The following TPD52 variants were observed in gnomAD, a reference collection of about 807,000 sequenced individuals.
The protein encoded by TPD52 is tumor protein D52, also known as prostate and colon associated protein.
In TPD52, 17 loss-of-function variants were observed where a neutral mutation model predicts 31.3. That is an observed-to-expected ratio of 0.54 (90% CI 0.37 to 0.82). TPD52 has a LOEUF of 0.82. TPD52 is among the 40% of genes least tolerant of loss of function. The pLI, the probability that TPD52 is intolerant of heterozygous loss-of-function variation, is 0.00. For synonymous variants in TPD52, 83 were observed against 89.6 expected, an observed-to-expected ratio of 0.93 and a Z score of 0.42; for missense variants, 212 against 240.1, an observed-to-expected ratio of 0.88 and a Z score of 0.77.
intron 1 of TPD52, among the ~76,000 whole-genome samples, chr8:80,137,953 CT>C (rs939799830): frequency 6.7e-6 from 1 of 148,652 alleles, no homozygotes; most frequent in African/African-American, 2.5e-5. Flanking sequence ...TTTTTTTTTT[CT>C]TTTTTTTGAG....
At chr8:80,114,121 T>A (rs1397845280) in intron 1 of TPD52, among the ~76,000 whole-genome samples, 1 of 152,132 alleles carries the variant, frequency 6.6e-6, no homozygotes, top group Non-Finnish European at 1.5e-5. Context: ...AGTATATACC[T>A]GTAGCTGCTC....
intron 1 of TPD52, among the ~76,000 whole-genome samples, chr8:80,143,973 G>A (rs1365377495): frequency 1.3e-5 from 2 of 152,084 alleles, no homozygotes; most frequent in Non-Finnish European, 2.9e-5. Context: ...TGATGAATCT[G>A]TAAGGTGAAA....
At position 80,140,518 on chromosome 8, in the gene TPD52, A is replaced by C. The variant is rs1236968259; in HGVS notation, c.19+30907T>G. 2.0e-5 allele frequency among the ~76,000 whole-genome samples: 3 copies of C among 152,214 alleles called. No individual in the cohort carries two copies. The East Asian group carries it at 5.8e-4, about 29-fold the overall frequency. On this transcript the variant is annotated intron_variant, in intron 1 of 7. Coordinates refer to ENST00000518937, the MANE Select transcript of TPD52 (RefSeq NM_001025253.3). ...TAGTCTCCAAGCCATTAATGACCTG[A>C]AAGAGATTAAACAACTTTTGAAAAG...
chr8:80,106,341 ATTGTTGTTGTTG>A (rs940451262), intron 1 of TPD52, among the ~76,000 whole-genome samples: 1 of 151,964 alleles, frequency 6.6e-6, no homozygotes, highest in African/African-American at 2.4e-5. Context: ...CAGTAGGTTT[ATTGTTGTTGTTG>A]TTGTGGTTGT....
chr8:80,031,927 C>A (rs1260483525), downstream of TPD52, among the ~76,000 whole-genome samples: 1 of 152,022 alleles, frequency 6.6e-6, no homozygotes, highest in East Asian at 1.9e-4. Context: ...CCAAGGAGGG[C>A]AGATCACCTG....
intron 1 of TPD52, among the ~76,000 whole-genome samples, chr8:80,065,498 CCT>C (rs1178509641): frequency 6.6e-6 from 1 of 151,990 alleles, no homozygotes; most frequent in East Asian, 1.9e-4. Context: ...TCAGATCTCC[CCT>C]CTTTTCCTGC....
chr8:80,171,409 G>A lies in TPD52; in HGVS notation c.19+16C>T. 1.3e-6 allele frequency: 2 copies of A among 1,596,472 alleles called. No homozygotes were observed. Among genetic ancestry groups the A allele is most frequent in the Non-Finnish European group, 1.7e-6 (2 of 1,177,884 alleles). ...GTCCAAGCCCGAGCCCAAGCCCGCT[G>A]GGTCCGCGCCCTCACCTTGCTCGCC... On this transcript the variant is annotated intron_variant, in intron 1 of 7. Coordinates refer to ENST00000518937, the MANE Select transcript of TPD52 (RefSeq NM_001025253.3).
rs867295433 is a variant in TPD52, at chr8:80,053,424, C to G, written c.142G>C (p.Glu48Gln). ...ACTTGAGACAGAGTCTGGATTTCTT[C>G]TTCTACCTATGAGGAAGGGGTTTGG... ...ELRRELAKVEEEIQTLSQVLA... is the reference protein window; with the variant it reads ...ELRRELAKVEQEIQTLSQVLA... The change falls in exon 3 of 8, where the codon GAA becomes CAA. Residue 48 changes from glutamate to glutamine, a missense_variant. Glu to Gln is a conservative substitution (Grantham distance 29). Coordinates refer to ENST00000518937, the MANE Select transcript of TPD52 (RefSeq NM_001025253.3). 21 of 1,613,014 alleles carry G rather than the reference C, an allele frequency of 1.3e-5. No individual in the cohort carries two copies. The Middle Eastern group carries it at 1.3e-3, about 101-fold the overall frequency.
intron 1 of TPD52, among the ~76,000 whole-genome samples, chr8:80,091,337 C>T (rs1390031641): frequency 1.3e-5 from 2 of 152,022 alleles, no homozygotes; most frequent in African/African-American, 2.4e-5. Context: ...GGCGTGGTGG[C>T]GGGCACCTGT....
chr8:80,110,372 C>T (rs1016660532), intron 1 of TPD52, among the ~76,000 whole-genome samples: 3 of 151,764 alleles, frequency 2.0e-5, no homozygotes, highest in African/African-American at 7.3e-5. Flanking sequence ...AGATTGACAA[C>T]AAAAGGAATT....
intron 1 of TPD52, among the ~76,000 whole-genome samples, chr8:80,136,181 A>AAAAAAAAAAAAAC (rs1242456762): frequency 6.9e-6 from 1 of 145,968 alleles, no homozygotes; most frequent in Non-Finnish European, 1.5e-5. Context: ...CTTTGAGGTT[A>AAAAAAAAAAAAAC]AAAAAAAAAC....
At position 80,072,842 on chromosome 8, in the gene TPD52, C is replaced by T. The variant is rs569584556; in HGVS notation, c.20-8249G>A. On this transcript the variant is annotated intron_variant, in intron 1 of 7. Coordinates refer to ENST00000518937, the MANE Select transcript of TPD52 (RefSeq NM_001025253.3). Reference sequence around the variant, plus strand: ...ACTTGGCCAGGCATGGTGGCTCATGCCTGTAATCCCTGCACTTTGGGAGGC... The same window carrying T: ...ACTTGGCCAGGCATGGTGGCTCATGTCTGTAATCCCTGCACTTTGGGAGGC... Among the ~76,000 whole-genome samples, 141 of 149,764 alleles carry T rather than the reference C, an allele frequency of 9.4e-4. 4 individuals are homozygous for T. In the South Asian group the frequency reaches 0.028, roughly 30 times the overall value.
chr8:80,059,974 G>C (rs1812335561), intron 2 of TPD52, among the ~76,000 whole-genome samples: 1 of 151,716 alleles, frequency 6.6e-6, no homozygotes, highest in African/African-American at 2.4e-5. Context: ...CCAGCTACCA[G>C]GGAGGCTGAG....
chr8:80,103,858 C>T (rs553166998), intron 1 of TPD52, among the ~76,000 whole-genome samples: 21 of 152,270 alleles, frequency 1.4e-4, no homozygotes, highest in African/African-American at 3.1e-4. Flanking sequence ...AAAGGTTCCA[C>T]GAAGACTGGA....
intron 1 of TPD52, among the ~76,000 whole-genome samples, chr8:80,118,503 T>C (rs891609599): frequency 1.3e-5 from 2 of 152,212 alleles, no homozygotes; most frequent in Admixed American, 6.5e-5. Context: ...ACCCACAGAA[T>C]GTGAGGAAAT....
rs1810026699 is a variant in TPD52 at position 80,038,000 on chromosome 8, T to C, written c.*116A>G. ...CACAAACTATTTGGTCAAAGGAATA[T>C]GTAAAGCTAAATAAAAGCACATCTG... On this transcript the variant is annotated 3_prime_UTR_variant, in exon 8 of 8. Coordinates refer to ENST00000518937, the MANE Select transcript of TPD52 (RefSeq NM_001025253.3). 4 of 1,439,738 alleles carry C rather than the reference T, an allele frequency of 2.8e-6. No homozygotes were observed. The highest frequency in any genetic ancestry group is 2.7e-5 in the South Asian group (2 of 75,224). 89.2% of individuals were successfully genotyped at this position (1,439,738 alleles called of 1,614,324 possible). A position where few individuals can be genotyped will look rare whatever the true frequency, so the allele number is the denominator to read the frequency against.
In TPD52 at chr8:80,053,381, T is replaced by C; in HGVS notation, c.185A>G (p.Lys62Arg). Residue 62 changes from lysine to arginine, a missense_variant, in exon 3 of 8, where the codon AAG (lysine) becomes AGG (arginine). By Grantham distance (26) the Lys-to-Arg change is conservative. Transcript: ENST00000518937. ...TTTCCGCTTGATCTCTGCTAGATGC[T>C]TCTCTTTTGCTGCTAACACTTGAGA... ...TLSQVLAAKEKHLAEIKRKLG... is the reference protein window; with the variant it reads ...TLSQVLAAKERHLAEIKRKLG... 6.2e-7 allele frequency: 1 copy of C among 1,613,772 alleles called. No homozygotes were observed. The highest frequency in any genetic ancestry group is 2.2e-5 in the East Asian group (1 of 44,878).
chr8:80,067,203 GGATGACGGGTTGTCCAGTT>G (rs1410868180), intron 1 of TPD52: 2 of 152,178 alleles, frequency 1.3e-5, no homozygotes, highest in Non-Finnish European at 2.9e-5. Flanking sequence ...TCAGAAAAGA[GGATGACGGGTTGTCCAGTT>G]GGCTTCAAGT....
At chr8:80,041,817 T>C (rs1810410916) in intron 7 of TPD52, among the ~76,000 whole-genome samples, 1 of 152,018 alleles carries the variant, frequency 6.6e-6, no homozygotes, top group South Asian at 2.1e-4. Context: ...AGGCCAGGCA[T>C]GGTGGCTCAC....
Sources: gnomAD v4.1 joint callset for allele counts (sites outside exome capture counted in the v4.1 genomes callset) on GRCh38, gnomAD v4.1.1 for gene constraint, MANE v1.5 for transcripts, NCBI Gene and HGNC (gene_info 2026-07-23, HGNC 2026-07-21) for gene names.